The following DCLK1 variants were observed in gnomAD, a reference collection of about 807,000 sequenced individuals.
DCLK1 encodes the protein doublecortin like kinase 1, also known as serine/threonine-protein kinase DCLK1.
In DCLK1, 16 loss-of-function variants were observed where a neutral mutation model predicts 86.2. The observed-to-expected ratio is 0.19, with a 90% CI of 0.13 to 0.28. The LOEUF (loss-of-function observed/expected upper bound fraction) is 0.28, where lower values mean the gene tolerates loss of function less well. DCLK1 is among the 10% of genes least tolerant of loss of function. The probability of loss-of-function intolerance (pLI) is 1.00; values close to 1 mark genes in which losing one functional copy is unlikely to be tolerated. For missense variants in DCLK1, 590 were observed against 940.2 expected (o/e 0.63, Z 4.87); for synonymous variants, 369 against 370.5 (o/e 1.00, Z 0.05).
At chr13:35,940,743 C>T (rs1221459448) in intron 4 of DCLK1, among the ~76,000 whole-genome samples, 2 of 152,146 alleles carry the variant, frequency 1.3e-5, no homozygotes, top group Non-Finnish European at 2.9e-5. Context: ...TCAAAGGAGC[C>T]TTAATTCCCT....
chr13:36,029,507 T>C (rs1237331428), intron 3 of DCLK1, among the ~76,000 whole-genome samples: 2 of 152,206 alleles, frequency 1.3e-5, no homozygotes, highest in Non-Finnish European at 2.9e-5. Context: ...TGTATTAGCA[T>C]GGTGCCAAGG....
intron 3 of DCLK1, among the ~76,000 whole-genome samples, chr13:35,977,585 A>T (rs1879411584): frequency 6.7e-6 from 1 of 149,846 alleles, no homozygotes; most frequent in Non-Finnish European, 1.5e-5. Flanking sequence ...GATGGGTCTA[A>T]TGGGCTATTT....
intron 4 of DCLK1, among the ~76,000 whole-genome samples, chr13:35,908,672 G>A (rs1874818184): frequency 6.6e-6 from 1 of 152,192 alleles, no homozygotes; most frequent in Non-Finnish European, 1.5e-5. Flanking sequence ...CTTTGCTCTT[G>A]TCGCCCAGGC....
intron 3 of DCLK1, among the ~76,000 whole-genome samples, chr13:36,003,275 A>G (rs1346303305): frequency 6.6e-6 from 1 of 151,342 alleles, no homozygotes; most frequent in Non-Finnish European, 1.5e-5. Context: ...ACAGACACTT[A>G]TAACAAAGAA....
At chr13:35,999,468 T>TC (rs1273239740) in intron 3 of DCLK1, among the ~76,000 whole-genome samples, 1 of 152,088 alleles carries the variant, frequency 6.6e-6, no homozygotes, top group Non-Finnish European at 1.5e-5. Flanking sequence ...CACTCTTTTT[T>TC]CCTTCTCTCT....
chr13:35,979,333 A>T (rs572692339), intron 3 of DCLK1, among the ~76,000 whole-genome samples: 284 of 152,042 alleles, frequency 1.9e-3, no homozygotes, highest in Non-Finnish European at 3.0e-3. Flanking sequence ...CATGGAAGAC[A>T]AGGGATGTCA....
intron 6 of DCLK1, chr13:35,847,946 T>C: frequency 2.0e-6 from 2 of 985,326 alleles, no homozygotes; most frequent in Non-Finnish European, 2.4e-6. Context: ...TTCAGCACTA[T>C]AGTCTTTTGA....
chr13:36,126,460 T>G (rs1043145194), intron 1 of DCLK1, among the ~76,000 whole-genome samples: 1 of 152,114 alleles, frequency 6.6e-6, no homozygotes. Context: ...ATGAGGGTCT[T>G]GTTTTATTGT....
intron 3 of DCLK1, among the ~76,000 whole-genome samples, chr13:36,068,356 C>T (rs1265393835): frequency 6.6e-6 from 1 of 152,092 alleles, no homozygotes; most frequent in African/African-American, 2.4e-5. Context: ...TAAATCAATC[C>T]TAAACTCTTT....
At chr13:36,045,368 A>T in intron 3 of DCLK1, among the ~76,000 whole-genome samples, 1 of 94,922 alleles carries the variant, frequency 1.1e-5, no homozygotes, top group South Asian at 3.1e-4. Flanking sequence ...ATATATATAT[A>T]TATATATATT....
intron 6 of DCLK1, among the ~76,000 whole-genome samples, chr13:35,842,407 G>A (rs909870175): frequency 2.6e-5 from 4 of 151,624 alleles, no homozygotes; most frequent in Non-Finnish European, 4.4e-5. Flanking sequence ...ACTGGTCTCC[G>A]TCTGTGTCTT....
chr13:35,985,014 G>A (rs1028367714), intron 3 of DCLK1, among the ~76,000 whole-genome samples: 7 of 152,152 alleles, frequency 4.6e-5, no homozygotes, highest in African/African-American at 1.2e-4. Flanking sequence ...GGAAACAAGC[G>A]TTTGCAGTCG....
chr13:35,784,328 A>G (rs183122299), intron 16 of DCLK1, among the ~76,000 whole-genome samples: 415 of 152,344 alleles, frequency 2.7e-3, no homozygotes, highest in African/African-American at 9.5e-3. Context: ...GCTAAATTTT[A>G]AAAAGACTTA....
chr13:35,948,435 G>A (rs1239072772), intron 3 of DCLK1, among the ~76,000 whole-genome samples: 2 of 152,138 alleles, frequency 1.3e-5, no homozygotes, highest in East Asian at 1.9e-4. Flanking sequence ...TGGAGTGCTC[G>A]ATTGTTTGGC....
At chr13:35,853,071 T>C (rs1014861941) in intron 6 of DCLK1, among the ~76,000 whole-genome samples, 6 of 152,312 alleles carry the variant, frequency 3.9e-5, no homozygotes, top group Non-Finnish European at 7.3e-5. Flanking sequence ...AAGAAAAGAA[T>C]GACCGACCAG....
intron 3 of DCLK1, among the ~76,000 whole-genome samples, chr13:35,971,830 A>G (rs1879076225): frequency 6.6e-6 from 1 of 151,844 alleles, no homozygotes. Flanking sequence ...GGAGCTGCTA[A>G]CGCACCTCTG....
At chr13:35,790,471 T>C (rs560795959) in intron 16 of DCLK1, among the ~76,000 whole-genome samples, 17 of 152,270 alleles carry the variant, frequency 1.1e-4, no homozygotes, top group African/African-American at 4.1e-4. Context: ...ATGTCCTAAA[T>C]AATAATTTTT....
chr13:35,789,856 T>C (rs987603919), intron 16 of DCLK1, among the ~76,000 whole-genome samples: 3 of 152,138 alleles, frequency 2.0e-5, no homozygotes, highest in Non-Finnish European at 4.4e-5. Context: ...AATTGCATTT[T>C]AATAACCTTT....
chr13:35,773,859 A>ACCATCTAT lies in DCLK1; in HGVS notation c.*668_*675dup, dbSNP rs1367868156. 7.0e-6 allele frequency: 1 copy of ACCATCTAT among 143,658 alleles called. No homozygotes were observed. Among genetic ancestry groups the ACCATCTAT allele is most frequent in the African/African-American group, 2.7e-5 (1 of 37,032 alleles). 8.9% of individuals were successfully genotyped at this position (143,658 alleles called of 1,614,324 possible). On this transcript the variant is annotated 3_prime_UTR_variant, in exon 17 of 17. Coordinates refer to ENST00000360631, the MANE Select transcript of DCLK1 (RefSeq NM_001330071.2). ...TTCATGTGGAGACAATTTGGGGGGC[A>ACCATCTAT]CCATCTATTTCCTGGGTCAAGCTCT... is the stretch of plus-strand genomic sequence containing the variant.
Sources: allele counts gnomAD v4.1 joint callset (sites outside exome capture counted in the v4.1 genomes callset), GRCh38; gene constraint gnomAD v4.1.1; transcripts MANE v1.5; gene names NCBI Gene and HGNC (gene_info 2026-07-23, HGNC 2026-07-21).